TPX2: variants seen among roughly 807,000 people sequenced by gnomAD.
The protein encoded by TPX2 is targeting protein for Xklp2.
A neutral mutation model predicts 93.6 loss-of-function variants in TPX2; 21 were observed. The observed-to-expected ratio is 0.22, with a 90% confidence interval of 0.16 to 0.32. The LOEUF (loss-of-function observed/expected upper bound fraction) is 0.32, where lower values mean the gene tolerates loss of function less well. Ranked by LOEUF, TPX2 falls within the 10% of genes least tolerant of loss-of-function variation. The pLI is 1.00. For missense variants in TPX2, 776 were observed against 871.1 expected (o/e 0.89, Z 1.37); for synonymous variants, 281 against 298.3 (o/e 0.94, Z 0.60).
At chr20:31,770,500 G>A (rs1442857986) in intron 6 of TPX2, 29 bp downstream of exon 6, 1 of 1,543,864 alleles carries the variant, frequency 6.5e-7, no homozygotes, top group Non-Finnish European at 8.7e-7. Flanking sequence ...TTACTGCCAA[G>A]GGCAGACATA....
intron 2 of TPX2, among the ~76,000 whole-genome samples, chr20:31,752,924 A>G (rs2061828460): frequency 6.6e-6 from 1 of 152,076 alleles, no homozygotes; most frequent in Non-Finnish European, 1.5e-5. Flanking sequence ...GCTTAGATCT[A>G]CTTTTTGTGT....
rs375883060 is a variant in TPX2 at position 31,777,472 on chromosome 20, G to T, written c.731-15G>T. The T allele has an allele frequency of 6.2e-7, 1 of 1,612,414 alleles. No individual in the cohort carries two copies. Among genetic ancestry groups the T allele is most frequent in the Non-Finnish European group, 8.5e-7 (1 of 1,178,932 alleles). ...CTTAATGTTGTCTGTATGTTTTACTGTGTTCATCTCTCAGGGCAACCTGTG... is the reference window on the plus strand; with the variant it reads ...CTTAATGTTGTCTGTATGTTTTACTTTGTTCATCTCTCAGGGCAACCTGTG... On this transcript the variant is annotated splice_polypyrimidine_tract_variant and intron_variant, in intron 8 of 17. Transcript: ENST00000300403.
intron 2 of TPX2, 40 bp from the exon 3 acceptor site, chr20:31,757,367 G>T: frequency 1.2e-6 from 1 of 861,460 alleles, no homozygotes; most frequent in East Asian, 2.6e-5. Flanking sequence ...GTAATGATGG[G>T]AATTTACTTA....
intron 17 of TPX2, among the ~76,000 whole-genome samples, chr20:31,800,222 A>G (rs773471390): frequency 1.2e-4 from 18 of 152,188 alleles, no homozygotes; most frequent in Non-Finnish European, 2.2e-4. Flanking sequence ...CTAGACTACC[A>G]TTTGCTGAGT....
chr20:31,746,959 T>C (rs975892072), intron 2 of TPX2, among the ~76,000 whole-genome samples: 5 of 152,216 alleles, frequency 3.3e-5, no homozygotes, highest in Non-Finnish European at 5.9e-5. Flanking sequence ...CTTTTAAGTA[T>C]TTTTTACATC....
At chr20:31,800,382 A>AT (rs1427210216) in intron 17 of TPX2, among the ~76,000 whole-genome samples, 1 of 152,204 alleles carries the variant, frequency 6.6e-6, no homozygotes, top group Non-Finnish European at 1.5e-5. Context: ...AATTCTCAAC[A>AT]TAACTGATGG....
At chr20:31,748,776 T>C (rs1437650724) in intron 2 of TPX2, among the ~76,000 whole-genome samples, 1 of 152,178 alleles carries the variant, frequency 6.6e-6, no homozygotes, top group Non-Finnish European at 1.5e-5. Context: ...AAAATGGTGA[T>C]GGTAGCATTT....
intron 12 of TPX2, among the ~76,000 whole-genome samples, chr20:31,786,409 T>TTTTTTGTTTGTTG (rs371477945): frequency 6.8e-6 from 1 of 146,930 alleles, no homozygotes; most frequent in Non-Finnish European, 1.5e-5. Context: ...TGTTTTTTTT[T>TTTTTTGTTTGTTG]TTTTTTGAGA....
At position 31,797,762 on chromosome 20, in the gene TPX2, A is replaced by G. The variant is rs377657182; in HGVS notation, c.1945+247A>G. Among the ~76,000 whole-genome samples the G allele has an allele frequency of 1.2e-4, 19 of 152,346 alleles. No individual in the cohort carries two copies. In the East Asian group the frequency reaches 3.3e-3, roughly 26 times the overall value. On this transcript the variant is annotated intron_variant, in intron 16 of 17. Transcript: ENST00000300403. ...CTTGGCAGAAGCAGCTGGCATTTCA[A>G]CAACAATGATAGGTTTTCCCCATCC... is the stretch of plus-strand genomic sequence containing the variant.
intron 2 of TPX2, among the ~76,000 whole-genome samples, chr20:31,749,334 T>C (rs2061804228): frequency 6.6e-6 from 1 of 152,224 alleles, no homozygotes; most frequent in South Asian, 2.1e-4. Flanking sequence ...TACTGCTTCT[T>C]AGCTGCATGA....
At chr20:31,759,933 C>A in intron 3 of TPX2, 124 bp from the exon 4 acceptor site, 1 of 1,319,764 alleles carries the variant, frequency 7.6e-7, no homozygotes, top group Non-Finnish European at 1.0e-6. Context: ...TAGAACTTTG[C>A]TTGTACTTGC....
At chr20:31,759,465 T>C (rs1312024035) in intron 3 of TPX2, among the ~76,000 whole-genome samples, 1 of 140,424 alleles carries the variant, frequency 7.1e-6, no homozygotes, top group East Asian at 2.2e-4. Context: ...AGTGGTGCGG[T>C]CTCAGCTTAC....
At chr20:31,743,041 C>A (rs942415321) in intron 2 of TPX2, among the ~76,000 whole-genome samples, 19 of 152,070 alleles carry the variant, frequency 1.2e-4, no homozygotes, top group Admixed American at 4.6e-4. Flanking sequence ...TGGCAAAACC[C>A]CATCTCTACT....
chr20:31,786,343 A>T lies in TPX2; in HGVS notation c.1413+2422A>T, dbSNP rs1179956508. 2.0e-5 allele frequency among the ~76,000 whole-genome samples: 3 copies of T among 151,274 alleles called. No individual in the cohort carries two copies. The East Asian group carries it at 5.8e-4, about 29-fold the overall frequency. On this transcript the variant is annotated intron_variant, in intron 12 of 17. Coordinates refer to ENST00000300403, the MANE Select transcript of TPX2 (RefSeq NM_012112.5). ...TGCTTATTTAAAAAAAAAAAAAACA[A>T]CAGTCTACACCTCACCTAAGATCCT...
At chr20:31,799,317 T>TA (rs2062156099) in intron 17 of TPX2, among the ~76,000 whole-genome samples, 1 of 152,208 alleles carries the variant, frequency 6.6e-6, no homozygotes, top group South Asian at 2.1e-4. Context: ...GAGATGTTGG[T>TA]AAAAGGTTAC....
chr20:31,786,883 C>G (rs1376996966), intron 12 of TPX2, among the ~76,000 whole-genome samples: 1 of 152,074 alleles, frequency 6.6e-6, no homozygotes, highest in Non-Finnish European at 1.5e-5. Context: ...AACAGATCTG[C>G]AAAGCACTAG....
rs1490147293 is a variant in TPX2, at chr20:31,798,239, A to G, written c.1946-126A>G. ...TTTAGTTGGCTCTACCTTTCTCCCA[A>G]TGGGGCTTGTTTAGAGCACAGTCTT... On this transcript the variant is annotated intron_variant, in intron 16 of 17. Transcript: ENST00000300403. The G allele has an allele frequency of 1.5e-5, 18 of 1,198,938 alleles. No homozygotes were observed. In the East Asian group the frequency reaches 3.1e-4, roughly 20 times the overall value. 74.3% of individuals were successfully genotyped at this position (1,198,938 alleles called of 1,614,324 possible).
chr20:31,770,196 C>T (rs766782913), intron 5 of TPX2, 147 bp from the exon 6 acceptor site: 1 of 444,418 alleles, frequency 2.3e-6, no homozygotes, highest in African/African-American at 2.1e-5. Context: ...AAACTATCAA[C>T]AAGAGAGATT....
At chr20:31,761,479 C>T (rs757249447) in intron 4 of TPX2, among the ~76,000 whole-genome samples, 18 of 152,162 alleles carry the variant, frequency 1.2e-4, no homozygotes, top group Non-Finnish European at 2.2e-4. Context: ...GGATTACAGG[C>T]GTGAGCCACT....
Sources: gnomAD v4.1 joint callset for allele counts (sites outside exome capture counted in the v4.1 genomes callset) on GRCh38, gnomAD v4.1.1 for gene constraint, MANE v1.5 for transcripts, NCBI Gene and HGNC (gene_info 2026-07-23, HGNC 2026-07-21) for gene names.